RELN: variants seen among roughly 807,000 people sequenced by gnomAD.
RELN encodes the protein reelin.
In RELN, 108 loss-of-function variants were observed where a neutral mutation model predicts 427.6. The observed-to-expected ratio is 0.25, with a 90% CI of 0.22 to 0.30. The LOEUF (loss-of-function observed/expected upper bound fraction) is 0.30, where lower values mean the gene tolerates loss of function less well. Among genes scored for constraint, RELN ranks in the 10% least tolerant of loss-of-function variants. The probability of loss-of-function intolerance (pLI) is 1.00; values close to 1 mark genes in which losing one functional copy is unlikely to be tolerated. For missense variants in RELN, 3,715 were observed against 4,302.8 expected, an observed-to-expected ratio of 0.86 and a Z score of 3.82; for synonymous variants, 1,524 against 1,513.4, an observed-to-expected ratio of 1.01 and a Z score of -0.16.
At position 103,988,036 on chromosome 7, in the gene RELN, C is replaced by G. The variant is rs1435924362; in HGVS notation, c.226+1095G>C. Among the ~76,000 whole-genome samples, 1 of 152,088 alleles carries G rather than the reference C, an allele frequency of 6.6e-6. No homozygotes were observed. Among genetic ancestry groups the G allele is most frequent in the African/African-American group, 2.4e-5 (1 of 41,386 alleles). ...GTGCTAGCACCCCGTAGATTATCTC[C>G]CGCCATGCCAATGATTGTTAGCCTA... On this transcript the variant is annotated intron_variant, in intron 1 of 64. Coordinates refer to ENST00000428762, the MANE Select transcript of RELN (RefSeq NM_005045.4). The surrounding 1 kb of genome is among the most constrained non-coding windows in gnomAD (Gnocchi z 4.9).
chr7:103,989,392 G>GCCGC lies in RELN; in HGVS notation c.-37_-36insGCGG. ...CCGCCGCCGCCGCCGCGCGCCCTAC[G>GCCGC]CGCCGCTCGCTCATTCAGTTTTGGA... On this transcript the variant is annotated 5_prime_UTR_variant, in exon 1 of 65. Transcript: ENST00000428762. The surrounding 1 kb of genome is among the most constrained non-coding windows in gnomAD (Gnocchi z 4.9). The GCCGC allele has an allele frequency of 2.7e-6, 3 of 1,095,176 alleles. No homozygotes were observed. Among genetic ancestry groups the GCCGC allele is most frequent in the Non-Finnish European group, 2.4e-6 (2 of 847,754 alleles). 67.8% of individuals were successfully genotyped at this position (1,095,176 alleles called of 1,614,324 possible).
intron 53 of RELN, among the ~76,000 whole-genome samples, 179 bp from the exon 54 acceptor site, chr7:103,498,431 T>C (rs1475465819): frequency 1.3e-5 from 2 of 152,202 alleles, no homozygotes; most frequent in African/African-American, 4.8e-5. Flanking sequence ...ATATTGAAAA[T>C]CATTTAAACT....
chr7:103,820,225 T>C (rs969526571), intron 3 of RELN, among the ~76,000 whole-genome samples: 3 of 152,000 alleles, frequency 2.0e-5, no homozygotes, highest in Admixed American at 6.6e-5. Flanking sequence ...ATTATAAAAG[T>C]AGTAATAGCA....
intron 1 of RELN, among the ~76,000 whole-genome samples, chr7:103,947,515 C>T (rs1796244745): frequency 6.6e-6 from 1 of 152,068 alleles, no homozygotes; most frequent in South Asian, 2.1e-4. Context: ...CATCTACAAG[C>T]CAAGGAAAAA....
intron 50 of RELN, among the ~76,000 whole-genome samples, chr7:103,511,671 C>T (rs2117065295): frequency 6.6e-6 from 1 of 151,688 alleles, no homozygotes; most frequent in South Asian, 2.1e-4. Context: ...TGAGGCCAGC[C>T]TGGGCAACAT....
intron 6 of RELN, among the ~76,000 whole-genome samples, chr7:103,748,757 C>T (rs1320448414): frequency 6.6e-6 from 1 of 152,148 alleles, no homozygotes; most frequent in Non-Finnish European, 1.5e-5. Flanking sequence ...TTATCTTGAA[C>T]TCTTCTGTCC....
At chr7:103,962,688 T>C (rs1483824822) in intron 1 of RELN, among the ~76,000 whole-genome samples, 2 of 148,988 alleles carry the variant, frequency 1.3e-5, no homozygotes, top group East Asian at 3.9e-4. Context: ...AGCTAATATA[T>C]GTATTATGGA....
At chr7:103,651,608 TA>T in intron 15 of RELN, 52 bp downstream of exon 15, 2 of 1,577,334 alleles carry the variant, frequency 1.3e-6, no homozygotes, top group Non-Finnish European at 1.7e-6. Flanking sequence ...CATTGATTTT[TA>T]TTCTGCAACA....
intron 27 of RELN, among the ~76,000 whole-genome samples, chr7:103,591,764 T>G (rs1831422224): frequency 6.6e-6 from 1 of 152,192 alleles, no homozygotes; most frequent in South Asian, 2.1e-4. Flanking sequence ...TGTGACAAGT[T>G]CGTGCTTTAG....
chr7:103,642,274 T>C (rs542887738), intron 16 of RELN, among the ~76,000 whole-genome samples: 3 of 152,056 alleles, frequency 2.0e-5, no homozygotes, highest in African/African-American at 7.2e-5. Flanking sequence ...AATTATGATA[T>C]TGATATGTTT....
intron 1 of RELN, among the ~76,000 whole-genome samples, chr7:103,985,203 G>A (rs901271780): frequency 2.0e-5 from 3 of 151,972 alleles, no homozygotes; most frequent in African/African-American, 7.2e-5. Flanking sequence ...TACCAATAGT[G>A]ATGCCGGACT....
chr7:103,819,222 A>G (rs1792956464), intron 3 of RELN, among the ~76,000 whole-genome samples: 1 of 152,148 alleles, frequency 6.6e-6, no homozygotes, highest in Non-Finnish European at 1.5e-5. Flanking sequence ...AAGTTTAAAT[A>G]TTAAAAATCA....
chr7:103,847,720 C>T (rs1793714271), intron 2 of RELN, among the ~76,000 whole-genome samples: 1 of 152,078 alleles, frequency 6.6e-6, no homozygotes. Flanking sequence ...TTAAAGAAAG[C>T]CTTGTTGAGG....
intron 8 of RELN, among the ~76,000 whole-genome samples, chr7:103,709,105 T>C (rs1789723604): frequency 6.6e-6 from 1 of 151,726 alleles, no homozygotes; most frequent in Non-Finnish European, 1.5e-5. Flanking sequence ...CCAGGAAGAG[T>C]GTCTTTTGGA....
At chr7:103,604,292 C>T (rs987650275) in intron 23 of RELN, 54 bp downstream of exon 23, 1 of 1,609,562 alleles carries the variant, frequency 6.2e-7, no homozygotes, top group Non-Finnish European at 8.5e-7. Flanking sequence ...GTGGTATCCT[C>T]CAGCCACAAA....
At chr7:103,494,365 T>TGTGTGTGTGTGTGTGTGTGTGTGTGTG (rs1828762311) in intron 57 of RELN, among the ~76,000 whole-genome samples, 1 of 118,256 alleles carries the variant, frequency 8.5e-6, no homozygotes, top group South Asian at 2.6e-4. Context: ...GTAATGACTT[T>TGTGTGTGTGTGTGTGTGTGTGTGTGTG]TGTGTGTGTG....
chr7:103,831,505 G>T (rs1793273284), intron 3 of RELN, among the ~76,000 whole-genome samples: 1 of 152,130 alleles, frequency 6.6e-6, no homozygotes, highest in Admixed American at 6.6e-5. Context: ...AGAGTTATAA[G>T]AAAAATGTGA....
chr7:103,682,256 G>A lies in RELN; in HGVS notation c.1149C>T (p.Ser383=), dbSNP rs753112548. Reference sequence around the variant, plus strand: ...AAATGGAGTTCCCATCTGACTGACAGCTATGCTGTAGGTGAAAAGAGAGCA... The same window carrying A: ...AAATGGAGTTCCCATCTGACTGACAACTATGCTGTAGGTGAAAAGAGAGCA... ...LFFPGATVKH[S]CQSDGNSIYF... Residue 383 remains serine, a synonymous_variant, in exon 11 of 65, where the codon AGC becomes AGT. Transcript: ENST00000428762. 8 of 1,614,006 alleles carry A rather than the reference G, an allele frequency of 5.0e-6. No homozygotes were observed. Among genetic ancestry groups the A allele is most frequent in the Middle Eastern group, 1.7e-4 (1 of 6,060 alleles).
rs137977197 is a variant in RELN, at chr7:103,967,213, C to T, written c.226+21918G>A. ...CCATGGAGACCAATTCCAAAGCCTA[C>T]GCTCTTAGTCACTCTGCCAGCCTGC... On this transcript the variant is annotated intron_variant, in intron 1 of 64. Coordinates refer to ENST00000428762, the MANE Select transcript of RELN (RefSeq NM_005045.4). 1.8e-3 allele frequency among the ~76,000 whole-genome samples: 272 copies of T among 151,198 alleles called. 1 individual carries two copies. Among genetic ancestry groups the T allele is most frequent in the Non-Finnish European group, 2.4e-3 (165 of 68,000 alleles).
Sources: allele counts gnomAD v4.1 joint callset (sites outside exome capture counted in the v4.1 genomes callset), GRCh38; gene constraint gnomAD v4.1.1; non-coding constraint Gnocchi (gnomAD v3.1); transcripts MANE v1.5; gene names NCBI Gene and HGNC (gene_info 2026-07-23, HGNC 2026-07-21).